Variants in CLSTN1 observed in about 807,000 individuals in gnomAD.
The protein encoded by CLSTN1 is calsyntenin-1.
CLSTN1 carries 28 observed loss-of-function variants against 108.3 expected under a neutral mutation model. That is an observed-to-expected ratio of 0.26 (90% confidence interval 0.19 to 0.35). CLSTN1 has a LOEUF of 0.35. CLSTN1 is among the 10% of genes least tolerant of loss of function. CLSTN1 has a pLI of 1.00. For synonymous variants in CLSTN1, 524 were observed against 534.9 expected (o/e 0.98, Z 0.28); for missense variants, 1,157 against 1,302.6 (o/e 0.89, Z 1.72).
chr1:9,792,169 G>A (rs1397230147), intron 1 of CLSTN1, among the ~76,000 whole-genome samples: 1 of 150,860 alleles, frequency 6.6e-6, no homozygotes, highest in Non-Finnish European at 1.5e-5. Context: ...TTAGGCGACA[G>A]CGAGACTCCA....
intron 1 of CLSTN1, among the ~76,000 whole-genome samples, chr1:9,780,350 T>C (rs1653184629): frequency 6.6e-6 from 1 of 152,186 alleles, no homozygotes; most frequent in African/African-American, 2.4e-5. Context: ...ATTTATGTCT[T>C]TATTTAGCCC....
intron 4 of CLSTN1, among the ~76,000 whole-genome samples, chr1:9,754,759 G>A (rs1378618395): frequency 6.6e-6 from 1 of 152,186 alleles, no homozygotes; most frequent in African/African-American, 2.4e-5. Context: ...GGAGGTTGAG[G>A]CAGGAGAATC....
chr1:9,815,562 C>G (rs1654936893), intron 1 of CLSTN1, among the ~76,000 whole-genome samples: 1 of 152,204 alleles, frequency 6.6e-6, no homozygotes, highest in Non-Finnish European at 1.5e-5. Flanking sequence ...TCGAAAAATG[C>G]TCCTGTGAGT....
intron 1 of CLSTN1, among the ~76,000 whole-genome samples, chr1:9,822,148 A>G (rs1340328188): frequency 1.3e-5 from 2 of 152,226 alleles, no homozygotes; most frequent in East Asian, 1.9e-4. Flanking sequence ...CAAGAGAAGC[A>G]AAACTTTTGA....
intron 1 of CLSTN1, among the ~76,000 whole-genome samples, chr1:9,787,485 G>A (rs987823642): frequency 7.0e-6 from 1 of 143,388 alleles, no homozygotes; most frequent in African/African-American, 2.6e-5. Context: ...CTCACTGCAA[G>A]CTCCGCCTCC....
chr1:9,800,166 G>A (rs1013376419), intron 1 of CLSTN1, among the ~76,000 whole-genome samples: 1 of 151,844 alleles, frequency 6.6e-6, no homozygotes, highest in Non-Finnish European at 1.5e-5. Flanking sequence ...TCAACCTTAG[G>A]AAACTAGAAA....
rs116438689 is a variant in CLSTN1 at position 9,745,351 on chromosome 1, G to A, written c.986-708C>T. On this transcript the variant is annotated intron_variant, in intron 7 of 18. Coordinates refer to ENST00000377298, the MANE Select transcript of CLSTN1 (RefSeq NM_001009566.3). ...TGGTAAATATACACAAAAATGATGC[G>A]TTTTCTTAGAAAAATGGAGTCCTGG... Among the ~76,000 whole-genome samples the A allele has an allele frequency of 4.8e-3, 730 of 151,956 alleles. 3 individuals are homozygous for A. The highest frequency in any genetic ancestry group is 0.016 in the African/African-American group (654 of 41,486).
chr1:9,778,223 A>AC (rs1653049519), intron 1 of CLSTN1, among the ~76,000 whole-genome samples: 16 of 134,430 alleles, frequency 1.2e-4, no homozygotes, highest in Admixed American at 3.0e-4. Flanking sequence ...TCTCCTCCCC[A>AC]ACACACACAC....
chr1:9,742,974 TTTTCC>T (rs1330666162), intron 9 of CLSTN1, among the ~76,000 whole-genome samples: 1 of 152,158 alleles, frequency 6.6e-6, no homozygotes, highest in Non-Finnish European at 1.5e-5. Flanking sequence ...ATCATATACT[TTTTCC>T]TTTCTCATTT....
At chr1:9,803,900 A>G (rs1253019588) in intron 1 of CLSTN1, among the ~76,000 whole-genome samples, 5 of 152,210 alleles carry the variant, frequency 3.3e-5, no homozygotes, top group Non-Finnish European at 5.9e-5. Context: ...AGGAAAAACG[A>G]AAGTGGTAAT....
intron 1 of CLSTN1, among the ~76,000 whole-genome samples, chr1:9,810,689 CT>C (rs1654719898): frequency 6.6e-6 from 1 of 151,740 alleles, no homozygotes; most frequent in African/African-American, 2.4e-5. Context: ...GCAGGAGAAT[CT>C]CTTGAACCTG....
chr1:9,730,364 C>A lies in CLSTN1; in HGVS notation c.*144G>T. 1.3e-6 allele frequency: 1 copy of A among 783,032 alleles called. No individual in the cohort carries two copies. The highest frequency in any genetic ancestry group is 1.5e-5 in the South Asian group (1 of 65,904). 48.5% of individuals were successfully genotyped at this position (783,032 alleles called of 1,614,324 possible). A position where few individuals can be genotyped will look rare whatever the true frequency, so the allele number is the denominator to read the frequency against. ...GGCGGGGAGCCTAGGGTCCTACACA[C>A]CAAGCACAGCGACGATCGTGGCGGG... On this transcript the variant is annotated 3_prime_UTR_variant, in exon 19 of 19. Coordinates refer to ENST00000377298, the MANE Select transcript of CLSTN1 (RefSeq NM_001009566.3). The surrounding 1 kb of genome is among the most constrained non-coding windows in gnomAD (Gnocchi z 5.6).
intron 1 of CLSTN1, among the ~76,000 whole-genome samples, chr1:9,794,509 A>G (rs946029784): frequency 4.6e-5 from 7 of 151,202 alleles, no homozygotes; most frequent in Non-Finnish European, 1.0e-4. Context: ...GGGTTTCGTC[A>G]TGTTGGCCAT....
chr1:9,823,186 C>T lies in CLSTN1; in HGVS notation c.91+457G>A, dbSNP rs1655255178. ...GCACACACCAAAACTGTGCGTGCAC[C>T]CCCCGCCTGATGCACATCTGAGCAC... is the stretch of plus-strand genomic sequence containing the variant. On this transcript the variant is annotated intron_variant, in intron 1 of 18. Coordinates refer to ENST00000377298, the MANE Select transcript of CLSTN1 (RefSeq NM_001009566.3). This position sits in a 1 kb window ranked among gnomAD's most constrained non-coding sequence, Gnocchi z 6.3. Among the ~76,000 whole-genome samples, 1 of 152,166 alleles carries T rather than the reference C, an allele frequency of 6.6e-6. No individual in the cohort carries two copies. The highest frequency in any genetic ancestry group is 6.5e-5 in the Admixed American group (1 of 15,282).
At chr1:9,789,512 C>T (rs955794030) in intron 1 of CLSTN1, among the ~76,000 whole-genome samples, 7 of 151,464 alleles carry the variant, frequency 4.6e-5, no homozygotes, top group Non-Finnish European at 7.3e-5. Context: ...TAATGATCCA[C>T]GCAGAATGAA....
chr1:9,786,927 G>T (rs1349811378), intron 1 of CLSTN1, among the ~76,000 whole-genome samples: 1 of 151,372 alleles, frequency 6.6e-6, no homozygotes, highest in African/African-American at 2.4e-5. Flanking sequence ...CTTCTCCCTG[G>T]TGCACATCCC....
At chr1:9,777,982 G>A (rs1190556746) in intron 1 of CLSTN1, among the ~76,000 whole-genome samples, 1 of 152,018 alleles carries the variant, frequency 6.6e-6, no homozygotes, top group Admixed American at 6.6e-5. Flanking sequence ...GGAGAAGACG[G>A]CAGGGGAGGG....
chr1:9,735,213 G>T, intron 13 of CLSTN1, 39 bp from the exon 14 acceptor site: 3 of 1,602,568 alleles, frequency 1.9e-6, no homozygotes, highest in Admixed American at 3.3e-5. Flanking sequence ...GGCTTTGGGA[G>T]CCGATCTTGG....
In CLSTN1 at chr1:9,731,381, C is replaced by T. The variant is rs1378887933; in HGVS notation, c.2573G>A (p.Ser858Asn). Residue 858 changes from serine to asparagine, a missense_variant, in exon 18 of 19, where the codon AGC (serine) becomes AAC (asparagine). By Grantham distance (46) the Ser-to-Asn change is conservative (BLOSUM62 1). Transcript: ENST00000377298. ...CACCACGATCACAACTGTCGCAGTG[C>T]TGGGGACGACTGTGGGAGAATGAGG... ...ANPHPFAVVP[S>N]TATVVIVVCV... is the part of the protein sequence containing the mutation. The T allele has an allele frequency of 2.5e-6, 4 of 1,613,370 alleles. No homozygotes were observed. Among genetic ancestry groups the T allele is most frequent in the South Asian group, 1.1e-5 (1 of 91,084 alleles).
Sources: allele counts gnomAD v4.1 joint callset (sites outside exome capture counted in the v4.1 genomes callset), GRCh38; gene constraint gnomAD v4.1.1; non-coding constraint Gnocchi (gnomAD v3.1); transcripts MANE v1.5; gene names NCBI Gene and HGNC (gene_info 2026-07-23, HGNC 2026-07-21).